The following PLEKHG4B variants were observed in gnomAD, a reference collection of about 807,000 sequenced individuals.
PLEKHG4B encodes the protein pleckstrin homology and RhoGEF domain containing G4B.
In PLEKHG4B, 111 loss-of-function variants were observed where a neutral mutation model predicts 121.3. That is an observed-to-expected ratio of 0.92 (90% CI 0.78 to 1.07). The LOEUF (loss-of-function observed/expected upper bound fraction) is 1.07. Ranked by LOEUF, PLEKHG4B falls within the 50% of genes least tolerant of loss-of-function variation. The pLI is 0.00. For synonymous variants in PLEKHG4B, 738 were observed against 725.0 expected (o/e 1.02, Z -0.29); for missense variants, 1,831 against 1,757.8 (o/e 1.04, Z -0.74).
At chr5:155,085 G>C (rs139916671) in intron 8 of PLEKHG4B, 94 bp downstream of exon 8, 3 of 1,075,452 alleles carry the variant, frequency 2.8e-6, no homozygotes, top group East Asian at 4.7e-5. Flanking sequence ...GGGCATCACC[G>C]TCCCTGATCT....
rs149261804 is a variant in PLEKHG4B at position 163,385 on chromosome 5, A to G, written c.3313A>G (p.Ser1105Gly). 5.0e-6 allele frequency: 8 copies of G among 1,613,018 alleles called. No homozygotes were observed. The highest frequency in any genetic ancestry group is 4.2e-6 in the Non-Finnish European group (5 of 1,180,042). Reference protein sequence around the residue: ...PRDSCQPDHTSVFSKGLEVTS... With the variant: ...PRDSCQPDHTGVFSKGLEVTS... ...GGACTCCTGCCAGCCAGACCATACT[A>G]GTGTCTTCAGCAAGGGCCTGGAGGT... Residue 1105 changes from serine (S) to glycine (G), a missense_variant, in exon 13 of 20, where the codon AGT becomes GGT. Physicochemically the swap from Ser to Gly is moderately conservative, Grantham distance 56. Coordinates refer to ENST00000637938, the MANE Select transcript of PLEKHG4B (RefSeq NM_052909.5).
chr5:142,314 G>A (rs550241349), intron 3 of PLEKHG4B, among the ~76,000 whole-genome samples: 4 of 151,596 alleles, frequency 2.6e-5, no homozygotes, highest in South Asian at 2.1e-4. Context: ...TCACACACAC[G>A]CCATAACAAC....
rs116480186 is a variant in PLEKHG4B, at chr5:171,224, G to A, written c.3830G>A (p.Arg1277Gln). 1.0e-4 allele frequency: 163 copies of A among 1,605,414 alleles called. No homozygotes were observed. The African/African-American group carries it at 1.2e-3, about 12-fold the overall frequency. The change falls in exon 16 of 20, where the codon CGG becomes CAG. Residue 1277 changes from arginine (R) to glutamine (Q), a missense_variant. Arg to Gln is a conservative substitution (Grantham distance 43). Transcript: ENST00000637938. ...ACCCGGCCCTTGCAGGACAAGCAGC[G>A]GGAGCTAGGTGACAAAATGGACCTG... ...HGNAFFKDKQ[R>Q]ELGDKMDLAS... is the part of the protein sequence containing the mutation.
At chr5:161,083 G>C (rs1735985186) in intron 11 of PLEKHG4B, among the ~76,000 whole-genome samples, 1 of 152,158 alleles carries the variant, frequency 6.6e-6, no homozygotes, top group African/African-American at 2.4e-5. Context: ...GTCGCCCCTG[G>C]TGTTGCTGTT....
intron 5 of PLEKHG4B, among the ~76,000 whole-genome samples, 197 bp from the exon 6 acceptor site, chr5:144,630 C>T (rs1008151895): frequency 2.0e-5 from 3 of 152,160 alleles, no homozygotes; most frequent in African/African-American, 2.4e-5. Flanking sequence ...GTAGCAGGTT[C>T]CACGAGAGGA....
chr5:109,390 C>CT (rs376369067), intron 1 of PLEKHG4B, among the ~76,000 whole-genome samples: 1,395 of 124,746 alleles, frequency 0.011, 30 homozygotes, highest in African/African-American at 0.051. Context: ...GGGCAAGACT[C>CT]TGTCTCCAAA....
chr5:139,280 C>T lies in PLEKHG4B; in HGVS notation c.244-203C>T, dbSNP rs1250078771. ...CTATACAATTGCTTTTTTAACTGAC[C>T]CCTGAACCAAAGAGCAGCCCGTGTT... is the stretch of plus-strand genomic sequence containing the variant. On this transcript the variant is annotated intron_variant, in intron 2 of 19. Transcript: ENST00000637938. The surrounding 1 kb of genome is among the most constrained non-coding windows in gnomAD (Gnocchi z 5.0). Among the ~76,000 whole-genome samples, 1 of 152,220 alleles carries T rather than the reference C, an allele frequency of 6.6e-6. No homozygotes were observed. The highest frequency in any genetic ancestry group is 1.5e-5 in the Non-Finnish European group (1 of 68,016).
Position 137,629 on chromosome 5 carries a change from G to A in PLEKHG4B, c.244-1854G>A, listed in dbSNP as rs1735022747. Among the ~76,000 whole-genome samples, 1 of 152,194 alleles carries A rather than the reference G, an allele frequency of 6.6e-6. No individual in the cohort carries two copies. The highest frequency in any genetic ancestry group is 1.5e-5 in the Non-Finnish European group (1 of 68,044). Reference sequence around the variant, plus strand: ...CTGTGGGAGGGCAAAAGGCATGAAAGGCTCCAACACCCTCCCATTTCTGTT... The same window carrying A: ...CTGTGGGAGGGCAAAAGGCATGAAAAGCTCCAACACCCTCCCATTTCTGTT... On this transcript the variant is annotated intron_variant, in intron 2 of 19. Transcript: ENST00000637938. The surrounding 1 kb of genome is among the most constrained non-coding windows in gnomAD (Gnocchi z 4.2).
At chr5:146,487 C>G (rs1434181563) in intron 6 of PLEKHG4B, among the ~76,000 whole-genome samples, 1 of 148,334 alleles carries the variant, frequency 6.7e-6, no homozygotes, top group Non-Finnish European at 1.5e-5. Context: ...TCTCTCCTCC[C>G]CTCCACACAG....
At position 113,595 on chromosome 5, in the gene PLEKHG4B, A is replaced by C. The variant is rs1286198466; in HGVS notation, c.243+147A>C. 3 of 397,740 alleles carry C rather than the reference A, an allele frequency of 7.5e-6. No individual in the cohort carries two copies. Among genetic ancestry groups the C allele is most frequent in the Admixed American group, 4.4e-5 (1 of 22,710 alleles). 24.6% of individuals were successfully genotyped at this position (397,740 alleles called of 1,614,324 possible). ...CTCCTCCCACCCTCATCCCAAATGA[A>C]GGGTCAAACAAGGCTGCATGTCCCA... On this transcript the variant is annotated intron_variant, in intron 2 of 19. Transcript: ENST00000637938. The surrounding 1 kb of genome is among the most constrained non-coding windows in gnomAD (Gnocchi z 5.2).
chr5:122,632 G>C (rs1334710553), intron 2 of PLEKHG4B, among the ~76,000 whole-genome samples: 2 of 151,976 alleles, frequency 1.3e-5, no homozygotes, highest in East Asian at 3.9e-4. Flanking sequence ...TGTTGGCCAG[G>C]CTGGTCAGAT....
chr5:156,421 G>A lies in PLEKHG4B; in HGVS notation c.2348+211G>A, dbSNP rs888728721. ...AAGGAGCCAGCTTCTGGGGATGCTC[G>A]GCAGGAGGTGGTCAGAGTGCATCAG... On this transcript the variant is annotated intron_variant, in intron 10 of 19. Coordinates refer to ENST00000637938, the MANE Select transcript of PLEKHG4B (RefSeq NM_052909.5). The surrounding 1 kb of genome is among the most constrained non-coding windows in gnomAD (Gnocchi z 4.4). Among the ~76,000 whole-genome samples, 14 of 151,430 alleles carry A rather than the reference G, an allele frequency of 9.2e-5. No individual in the cohort carries two copies. The highest frequency in any genetic ancestry group is 2.7e-4 in the African/African-American group (11 of 41,230).
chr5:169,243 C>G (rs1426159340), intron 13 of PLEKHG4B, 97 bp from the exon 14 acceptor site: 5 of 1,518,978 alleles, frequency 3.3e-6, no homozygotes, highest in Non-Finnish European at 4.5e-6. Flanking sequence ...CTGCTCATCC[C>G]TCCGGGTTTT....
In PLEKHG4B at chr5:151,593, A is replaced by G; in HGVS notation, c.1986A>G (p.Ile662Met). The G allele has an allele frequency of 6.4e-7, 1 of 1,574,498 alleles. No individual in the cohort carries two copies. Among genetic ancestry groups the G allele is most frequent in the Non-Finnish European group, 8.7e-7 (1 of 1,145,516 alleles). The change falls in exon 7 of 20, where the codon ATA (isoleucine) becomes ATG (methionine). Residue 662 changes from isoleucine (I) to methionine (M), a missense_variant. Physicochemically the swap from Ile to Met is conservative, Grantham distance 10. Coordinates refer to ENST00000637938, the MANE Select transcript of PLEKHG4B (RefSeq NM_052909.5). Reference sequence around the variant, plus strand: ...CATTTAGGCCTGACAAGGATGCAATAATTCAGGTAATGGTTTAGACTGTGG... The same window carrying G: ...CATTTAGGCCTGACAAGGATGCAATGATTCAGGTAATGGTTTAGACTGTGG... ...ESAFRPDKDAIIQCEVVSSLK... is the reference protein window; with the variant it reads ...ESAFRPDKDAMIQCEVVSSLK...
chr5:131,217 C>T (rs977305109), intron 2 of PLEKHG4B, among the ~76,000 whole-genome samples: 2 of 151,986 alleles, frequency 1.3e-5, no homozygotes, highest in Admixed American at 6.6e-5. Flanking sequence ...CCCATCAACT[C>T]GTCATTTACA....
At position 144,586 on chromosome 5, in the gene PLEKHG4B, A is replaced by G. The variant is rs557682852; in HGVS notation, c.1812-241A>G. On this transcript the variant is annotated intron_variant, in intron 5 of 19. Coordinates refer to ENST00000637938, the MANE Select transcript of PLEKHG4B (RefSeq NM_052909.5). ...TGGGTGTTTAGGGGAAAGTAGCCCCAGCCCCATGTGCCCAGAGACACTGTC... is the reference window on the plus strand; with the variant it reads ...TGGGTGTTTAGGGGAAAGTAGCCCCGGCCCCATGTGCCCAGAGACACTGTC... 9.9e-4 allele frequency among the ~76,000 whole-genome samples: 151 copies of G among 152,296 alleles called. 1 individual carries two copies. The highest frequency in any genetic ancestry group is 3.3e-3 in the African/African-American group (138 of 41,562).
intron 6 of PLEKHG4B, among the ~76,000 whole-genome samples, chr5:146,143 G>T (rs1049300784): frequency 7.3e-6 from 1 of 137,716 alleles, no homozygotes; most frequent in Non-Finnish European, 1.6e-5. Flanking sequence ...CCAACCTGTG[G>T]TCCTCCCTCC....
chr5:117,202 T>G (rs577637644), intron 2 of PLEKHG4B, among the ~76,000 whole-genome samples: 3 of 152,276 alleles, frequency 2.0e-5, no homozygotes, highest in East Asian at 3.9e-4. Context: ...TTATATTAAT[T>G]TTTGCTTTTG....
chr5:177,261 T>A (rs1736787275), intron 18 of PLEKHG4B, among the ~76,000 whole-genome samples: 1 of 152,240 alleles, frequency 6.6e-6, no homozygotes, highest in Non-Finnish European at 1.5e-5. Context: ...TATTTAGGAC[T>A]ACAGGCTTTC....
Sources: allele counts gnomAD v4.1 joint callset (sites outside exome capture counted in the v4.1 genomes callset), GRCh38; gene constraint gnomAD v4.1.1; non-coding constraint Gnocchi (gnomAD v3.1); transcripts MANE v1.5; gene names NCBI Gene and HGNC (gene_info 2026-07-23, HGNC 2026-07-21).